The following TREH variants were observed in gnomAD, a reference collection of about 807,000 sequenced individuals.
TREH encodes trehalase.
In TREH, 69 loss-of-function variants were observed where a neutral mutation model predicts 80.5. The ratio of observed to expected loss-of-function variants is 0.86; its 90% CI spans 0.71 to 1.05. TREH has a LOEUF of 1.05. Among genes scored for constraint, TREH ranks in the 50% least tolerant of loss-of-function variants. The probability of loss-of-function intolerance (pLI) is 0.00; values close to 1 mark genes in which losing one functional copy is unlikely to be tolerated. For synonymous variants in TREH, 309 were observed against 293.5 expected, an observed-to-expected ratio of 1.05 and a Z score of -0.54; for missense variants, 716 against 718.8, an observed-to-expected ratio of 1.00 and a Z score of 0.04.
intron 1 of TREH, among the ~76,000 whole-genome samples, chr11:118,670,283 C>A (rs563515644): frequency 6.6e-6 from 1 of 152,096 alleles, no homozygotes; most frequent in Non-Finnish European, 1.5e-5. Flanking sequence ...CAAAGACACA[C>A]CTATCATTTG....
chr11:118,662,801 CGAAGACA>C, intron 4 of TREH, 73 bp downstream of exon 4: 1 of 1,491,256 alleles, frequency 6.7e-7, no homozygotes, highest in Non-Finnish European at 9.1e-7. Context: ...ATCTGTGCTC[CGAAGACA>C]CTGTGGGCCC....
In TREH at chr11:118,659,610, C is replaced by A. The variant is rs1555144404; in HGVS notation, c.1321-129G>T. On this transcript the variant is annotated intron_variant, in intron 11 of 14. Coordinates refer to ENST00000264029, the MANE Select transcript of TREH (RefSeq NM_007180.3). ...TCTTTTCTCGGCTCACAGCTGCCCCCCGGTGGCTCTGGTGGGACCCGCAGG... is the reference window on the plus strand; with the variant it reads ...TCTTTTCTCGGCTCACAGCTGCCCCACGGTGGCTCTGGTGGGACCCGCAGG... The A allele has an allele frequency of 1.5e-5, 20 of 1,355,770 alleles. No individual in the cohort carries two copies. In the East Asian group the frequency reaches 5.0e-4, roughly 34 times the overall value. The allele number at this position is 1,355,770 out of a possible 1,614,324, so 84.0% of individuals were successfully genotyped here. A position where few individuals can be genotyped will look rare whatever the true frequency, so the allele number is the denominator to read the frequency against.
In TREH at chr11:118,657,714, C is replaced by T. The variant is rs17748; in HGVS notation, c.*575G>A. The T allele has an allele frequency of 0.19, 29,473 of 156,122 alleles. 3,184 individuals carry two copies. Among genetic ancestry groups the T allele is most frequent in the South Asian group, 0.36 (1,788 of 5,004 alleles). 9.7% of individuals were successfully genotyped at this position (156,122 alleles called of 1,614,324 possible). On this transcript the variant is annotated 3_prime_UTR_variant, in exon 15 of 15. Transcript: ENST00000264029. The stretch of plus-strand genomic sequence containing the variant: ...GAAGGGTTATGGTTGGAGTTCTGTA[C>T]AGTGTTGAGTTTCCGACAGGGAAAG...
Position 118,661,366 on chromosome 11 carries a change from G to C in TREH, c.734+27C>G. The C allele has an allele frequency of 6.2e-7, 1 of 1,613,950 alleles. No individual in the cohort carries two copies. Among genetic ancestry groups the C allele is most frequent in the Non-Finnish European group, 8.5e-7 (1 of 1,179,844 alleles). On this transcript the variant is annotated intron_variant, in intron 7 of 14. Transcript: ENST00000264029. This position sits in a 1 kb window ranked among gnomAD's most constrained non-coding sequence, Gnocchi z 4.2. ...GGTCTGAGGGATGGGTGGGTCTGCAGAGCAGCACAGGGAGGGTGGTACCCA... is the reference window on the plus strand; with the variant it reads ...GGTCTGAGGGATGGGTGGGTCTGCACAGCAGCACAGGGAGGGTGGTACCCA...
At chr11:118,659,596 C>G in intron 11 of TREH, 115 bp from the exon 12 acceptor site, 1 of 1,357,984 alleles carries the variant, frequency 7.4e-7, no homozygotes, top group Non-Finnish European at 9.9e-7. Context: ...CTTTTCTCGG[C>G]TCACAGCTGC....
At chr11:118,668,193 A>G (rs1555145853) in intron 1 of TREH, among the ~76,000 whole-genome samples, 1 of 152,168 alleles carries the variant, frequency 6.6e-6, no homozygotes, top group Non-Finnish European at 1.5e-5. Flanking sequence ...AAGGAGAAGC[A>G]TTTAGAGAAA....
At chr11:118,668,559 C>CT in intron 1 of TREH, among the ~76,000 whole-genome samples, 1 of 9,472 alleles carries the variant, frequency 1.1e-4, no homozygotes, top group Non-Finnish European at 1.9e-4. Context: ...GAGACTCTGT[C>CT]TCAAAAAAAA....
At chr11:118,663,223 C>A in intron 2 of TREH, 27 bp from the exon 3 acceptor site, 1 of 1,580,682 alleles carries the variant, frequency 6.3e-7, no homozygotes, top group Non-Finnish European at 8.6e-7. Flanking sequence ...AGGGAGGGGT[C>A]AGCAGGGTGT....
At position 118,678,513 on chromosome 11, in the gene TREH, G is replaced by A. The variant is rs551636324; in HGVS notation, c.89+1026C>T. Among the ~76,000 whole-genome samples the A allele has an allele frequency of 2.7e-3, 414 of 151,484 alleles. 3 individuals are homozygous for A. Among genetic ancestry groups the A allele is most frequent in the African/African-American group, 8.2e-3 (337 of 41,222 alleles). On this transcript the variant is annotated intron_variant, in intron 1 of 14. Coordinates refer to ENST00000264029, the MANE Select transcript of TREH (RefSeq NM_007180.3). The stretch of plus-strand genomic sequence containing the variant: ...CGAGTAGCTGGGATTACAGGCGTGC[G>A]CCACCATGCCCGGCTAATTTTGTAT...
chr11:118,662,224 G>T (rs1396415084), intron 4 of TREH, among the ~76,000 whole-genome samples: 1 of 142,156 alleles, frequency 7.0e-6, no homozygotes, highest in African/African-American at 2.6e-5. Flanking sequence ...GTGCCGGGTA[G>T]AAGACCCGAC....
At chr11:118,671,784 T>C (rs1231207118) in intron 1 of TREH, among the ~76,000 whole-genome samples, 1 of 152,038 alleles carries the variant, frequency 6.6e-6, no homozygotes, top group Non-Finnish European at 1.5e-5. Flanking sequence ...GAAAGGATCC[T>C]AAAAGCAGCA....
In TREH at chr11:118,674,996, G is replaced by T. The variant is rs890393980; in HGVS notation, c.89+4543C>A. On this transcript the variant is annotated intron_variant, in intron 1 of 14. Coordinates refer to ENST00000264029, the MANE Select transcript of TREH (RefSeq NM_007180.3). The surrounding 1 kb of genome is among the most constrained non-coding windows in gnomAD (Gnocchi z 4.4). Reference sequence around the variant, plus strand: ...TTCAGTTTGGCTATTAGAGATAAAAGTCTATAGGGATTGTATATTTGCTTT... The same window carrying T: ...TTCAGTTTGGCTATTAGAGATAAAATTCTATAGGGATTGTATATTTGCTTT... Among the ~76,000 whole-genome samples the T allele has an allele frequency of 2.6e-5, 4 of 152,116 alleles. No individual in the cohort carries two copies. Among genetic ancestry groups the T allele is most frequent in the Non-Finnish European group, 5.9e-5 (4 of 68,016 alleles).
chr11:118,658,205 G>A lies in TREH; in HGVS notation c.*84C>T. 6.7e-7 allele frequency: 1 copy of A among 1,493,702 alleles called. No homozygotes were observed. The highest frequency in any genetic ancestry group is 9.0e-7 in the Non-Finnish European group (1 of 1,111,012). 92.5% of individuals were successfully genotyped at this position (1,493,702 alleles called of 1,614,324 possible). On this transcript the variant is annotated 3_prime_UTR_variant, in exon 15 of 15. Transcript: ENST00000264029. Reference sequence around the variant, plus strand: ...CTGAGGACAGGCTGGGAGGTAGGAGGGCATGAAGAGGCAGGGGAAGGCAGG... The same window carrying A: ...CTGAGGACAGGCTGGGAGGTAGGAGAGCATGAAGAGGCAGGGGAAGGCAGG...
chr11:118,671,495 G>A (rs1949429126), intron 1 of TREH, among the ~76,000 whole-genome samples: 1 of 151,758 alleles, frequency 6.6e-6, no homozygotes, highest in Non-Finnish European at 1.5e-5. Flanking sequence ...ACAATCAGGA[G>A]ACAAGAGAAA....
In TREH at chr11:118,661,385, G is replaced by A; in HGVS notation, c.734+8C>T. 1 of 1,613,938 alleles carries A rather than the reference G, an allele frequency of 6.2e-7. No homozygotes were observed. The highest frequency in any genetic ancestry group is 8.5e-7 in the Non-Finnish European group (1 of 1,179,840). On this transcript the variant is annotated splice_region_variant and intron_variant, in intron 7 of 14. Transcript: ENST00000264029. This position sits in a 1 kb window ranked among gnomAD's most constrained non-coding sequence, Gnocchi z 4.2. ...TCTGCAGAGCAGCACAGGGAGGGTG[G>A]TACCCACTGTAGAAAGGCGGTGTCA...
At position 118,663,130 on chromosome 11, in the gene TREH, A is replaced by G; in HGVS notation, c.257T>C (p.Leu86Pro). The G allele has an allele frequency of 6.2e-7, 1 of 1,613,962 alleles. No homozygotes were observed. The highest frequency in any genetic ancestry group is 8.5e-7 in the Non-Finnish European group (1 of 1,179,886). The change falls in exon 3 of 15, where the codon CTG becomes CCG. Residue 86 changes from leucine to proline, a missense_variant. Physicochemically the swap from Leu to Pro is moderately conservative, Grantham distance 98. Transcript: ENST00000264029. ...GAAGTGTTCGTGGACAAACGCCTGC[A>G]GCTGCTCCCTGGGGATGCTGTGATT... ...DHNHSIPREQ[L>P]QAFVHEHFQA...
rs782429978 is a variant in TREH at position 118,661,188 on chromosome 11, G to T, written c.829C>A (p.Arg277Ser). The change falls in exon 8 of 15, where the codon CGC becomes AGC. Residue 277 changes from arginine to serine, a missense_variant. By Grantham distance (110) the Arg-to-Ser change is moderately radical (BLOSUM62 -1). Transcript: ENST00000264029. The surrounding 1 kb of genome is among the most constrained non-coding windows in gnomAD (Gnocchi z 4.2). ...GGTCCCCCATAAGGGACATAATAGC[G>T]ATTCAGGAGGTAGTTCTTTCCCTCC... ...SLEGKNYLLN[R>S]YYVPYGGPRP... The T allele has an allele frequency of 6.2e-7, 1 of 1,613,816 alleles. No individual in the cohort carries two copies. The highest frequency in any genetic ancestry group is 1.3e-5 in the African/African-American group (1 of 74,912).
chr11:118,668,154 C>T (rs974098526), intron 1 of TREH, among the ~76,000 whole-genome samples: 132 of 152,170 alleles, frequency 8.7e-4, no homozygotes, highest in African/African-American at 2.8e-3. Flanking sequence ...CGTGAGCCAC[C>T]GCACCCAGCC....
chr11:118,661,651 C>T lies in TREH; in HGVS notation c.603G>A (p.Leu201=), dbSNP rs782308579. The change falls in exon 6 of 15, where the codon TTG becomes TTA. Residue 201 remains leucine (L), a synonymous_variant. Transcript: ENST00000264029. This position sits in a 1 kb window ranked among gnomAD's most constrained non-coding sequence, Gnocchi z 4.2. ...GCCCCCCTCACGTTTTCACCAGGTCCAAGAAGTTCTGCAGCATGCCCTTCA... is the reference window on the plus strand; with the variant it reads ...GCCCCCCTCACGTTTTCACCAGGTCTAAGAAGTTCTGCAGCATGCCCTTCA... ...ETVKGMLQNF[L]DLVKTYGHVP... 1.2e-6 allele frequency: 2 copies of T among 1,613,972 alleles called. No homozygotes were observed. Among genetic ancestry groups the T allele is most frequent in the Admixed American group, 3.3e-5 (2 of 60,024 alleles).
Sources: gnomAD v4.1 joint callset for allele counts (sites outside exome capture counted in the v4.1 genomes callset) on GRCh38, gnomAD v4.1.1 for gene constraint, Gnocchi (gnomAD v3.1) non-coding constraint, MANE v1.5 for transcripts, NCBI Gene and HGNC (gene_info 2026-07-23, HGNC 2026-07-21) for gene names.